The following CUX1 variants were observed in gnomAD, a reference collection of about 807,000 sequenced individuals.
CUX1 encodes cut like homeobox 1.
CUX1 carries 31 observed loss-of-function variants against 158.8 expected under a neutral mutation model. That is an observed-to-expected ratio of 0.20 (90% CI 0.15 to 0.26). The LOEUF (loss-of-function observed/expected upper bound fraction) is 0.26, where lower values mean the gene tolerates loss of function less well. Among genes scored for constraint, CUX1 ranks in the 10% least tolerant of loss-of-function variants. The pLI is 1.00. For synonymous variants in CUX1, 879 were observed against 862.1 expected (o/e 1.02, Z -0.34); for missense variants, 1,589 against 2,014.6 (o/e 0.79, Z 4.04).
At chr7:101,946,642 G>A (rs1448742744) in intron 2 of CUX1, among the ~76,000 whole-genome samples, 2 of 152,106 alleles carry the variant, frequency 1.3e-5, no homozygotes, top group South Asian at 2.1e-4. Flanking sequence ...ATTTGGGGTG[G>A]GGAGTGAGGC....
chr7:102,177,833 A>G (rs1294228284), intron 10 of CUX1, among the ~76,000 whole-genome samples: 1 of 151,358 alleles, frequency 6.6e-6, no homozygotes, highest in African/African-American at 2.4e-5. Context: ...TCTGCATCTC[A>G]CTCATCCTGC....
chr7:101,919,040 A>C lies in CUX1; in HGVS notation c.141+2815A>C, dbSNP rs917636781. Among the ~76,000 whole-genome samples, 4 of 152,130 alleles carry C rather than the reference A, an allele frequency of 2.6e-5. 1 individual carries two copies. The highest frequency in any genetic ancestry group is 2.0e-4 in the Admixed American group (3 of 15,280). ...GTGATCCGCCCACCTCGGCCTCCCA[A>C]AGTGCTGGGATTACAGGCATGAGCC... On this transcript the variant is annotated intron_variant, in intron 2 of 23. Transcript: ENST00000292535.
chr7:101,818,696 A>G (rs976850935), intron 1 of CUX1, among the ~76,000 whole-genome samples: 11 of 152,150 alleles, frequency 7.2e-5, no homozygotes, highest in African/African-American at 2.4e-4. Flanking sequence ...ATGATTTCCT[A>G]TGGGTTTGCA....
At chr7:101,834,651 C>T (rs1231350782) in intron 1 of CUX1, among the ~76,000 whole-genome samples, 1 of 152,120 alleles carries the variant, frequency 6.6e-6, no homozygotes, top group African/African-American at 2.4e-5. Flanking sequence ...TCTTTTGATA[C>T]AATACCTCCG....
intron 8 of CUX1, among the ~76,000 whole-genome samples, chr7:102,148,705 TATATTA>T (rs1303516866): frequency 6.7e-6 from 1 of 148,206 alleles, no homozygotes; most frequent in Non-Finnish European, 1.5e-5. Flanking sequence ...ATATATATAA[TATATTA>T]ATATATATAT....
At chr7:102,276,995 C>A (rs1563529033) in intron 17 of CUX1, among the ~76,000 whole-genome samples, 1 of 151,668 alleles carries the variant, frequency 6.6e-6, no homozygotes, top group East Asian at 1.9e-4. Context: ...ATACCAATGA[C>A]AAAAAAAAGT....
At chr7:102,030,930 G>A (rs956740201) in intron 3 of CUX1, among the ~76,000 whole-genome samples, 10 of 152,040 alleles carry the variant, frequency 6.6e-5, no homozygotes, top group African/African-American at 2.4e-4. Context: ...TCGACATCCC[G>A]GGCTCAAGCC....
chr7:102,033,924 T>C (rs1165057992), intron 3 of CUX1, among the ~76,000 whole-genome samples: 1 of 152,046 alleles, frequency 6.6e-6, no homozygotes, highest in Admixed American at 6.6e-5. Flanking sequence ...GGCAGGCAGA[T>C]CACTCGAGGT....
chr7:101,947,962 TG>T (rs780376980), intron 2 of CUX1, among the ~76,000 whole-genome samples: 15 of 152,194 alleles, frequency 9.9e-5, no homozygotes, highest in Admixed American at 3.3e-4. Context: ...CTGTTGCACC[TG>T]ATCTCCAGCC....
intron 20 of CUX1, chr7:102,280,914 C>A (rs1443455134): frequency 1.3e-6 from 2 of 1,537,822 alleles, no homozygotes; most frequent in Non-Finnish European, 1.8e-6. Flanking sequence ...GCCTCTGTCT[C>A]CAGGCACCTC....
intron 2 of CUX1, among the ~76,000 whole-genome samples, chr7:101,998,829 T>C (rs1316030179): frequency 6.6e-6 from 1 of 152,118 alleles, no homozygotes; most frequent in African/African-American, 2.4e-5. Context: ...AGCTCTCTCT[T>C]CGTCGCTTTC....
Position 101,977,474 on chromosome 7 carries a change from C to A in CUX1, c.142-50624C>A, listed in dbSNP as rs560559385. ...TGGACAGTGTAGCAAGACCCCATCT[C>A]TACCAAAAAATCAAAACTTTAGCCA... On this transcript the variant is annotated intron_variant, in intron 2 of 23. Transcript: ENST00000292535. Among the ~76,000 whole-genome samples the A allele has an allele frequency of 2.6e-5, 4 of 152,118 alleles. No individual in the cohort carries two copies. In the South Asian group the frequency reaches 8.3e-4, roughly 31 times the overall value.
intron 2 of CUX1, among the ~76,000 whole-genome samples, chr7:101,987,968 T>C (rs190801714): frequency 1.3e-5 from 2 of 152,270 alleles, no homozygotes; most frequent in African/African-American, 4.8e-5. Flanking sequence ...TCTCAGCACT[T>C]TGGGAGGCCG....
chr7:102,020,605 C>T (rs1227621876), intron 2 of CUX1, among the ~76,000 whole-genome samples: 3 of 152,128 alleles, frequency 2.0e-5, no homozygotes, highest in Non-Finnish European at 4.4e-5. Context: ...TGGGGTCAGG[C>T]GTGGTGGCTC....
intron 2 of CUX1, chr7:101,961,104 TAGTGGAGTCTC>T (rs1322946839): frequency 2.6e-5 from 4 of 152,144 alleles, no homozygotes; most frequent in Non-Finnish European, 4.4e-5. Context: ...TGTAAGATAC[TAGTGGAGTCTC>T]CAAGCAGAGC....
upstream of CUX1, among the ~76,000 whole-genome samples, chr7:101,816,597 C>G (rs1023694059): frequency 7.6e-5 from 11 of 144,328 alleles, no homozygotes; most frequent in Non-Finnish European, 3.1e-5. Context: ...CCCCGCGCCC[C>G]CGGCCCGCCG....
At chr7:102,132,012 A>G (rs1289820539) in intron 8 of CUX1, among the ~76,000 whole-genome samples, 5 of 152,126 alleles carry the variant, frequency 3.3e-5, no homozygotes, top group African/African-American at 1.2e-4. Flanking sequence ...AAAGAAATCC[A>G]TAAAAACACT....
At chr7:101,934,108 G>A (rs930984553) in intron 2 of CUX1, among the ~76,000 whole-genome samples, 2 of 152,172 alleles carry the variant, frequency 1.3e-5, no homozygotes, top group East Asian at 3.8e-4. Flanking sequence ...AAGAGAAGTT[G>A]TTTCTATCCT....
At chr7:102,132,558 G>A (rs189115419) in intron 8 of CUX1, among the ~76,000 whole-genome samples, 5 of 151,410 alleles carry the variant, frequency 3.3e-5, no homozygotes, top group Middle Eastern at 3.4e-3. Flanking sequence ...AGGGTATTTC[G>A]TCACTCCTTT....
Sources: allele counts gnomAD v4.1 joint callset (sites outside exome capture counted in the v4.1 genomes callset), GRCh38; gene constraint gnomAD v4.1.1; transcripts MANE v1.5; gene names NCBI Gene and HGNC (gene_info 2026-07-23, HGNC 2026-07-21).